The following DIS3L2 variants were observed in gnomAD, a reference collection of about 807,000 sequenced individuals.
The protein encoded by DIS3L2 is DIS3 like 3'-5' exoribonuclease 2.
Under a neutral mutation model 97.5 loss-of-function variants are expected in DIS3L2, and 34 were observed. The ratio of observed to expected loss-of-function variants is 0.35; its 90% confidence interval spans 0.27 to 0.46. The LOEUF is 0.46. DIS3L2 is among the 20% of genes least tolerant of loss of function. The probability of loss-of-function intolerance (pLI) is 1.00; values close to 1 mark genes in which losing one functional copy is unlikely to be tolerated. For missense variants in DIS3L2, 1,038 were observed against 1,146.0 expected, an observed-to-expected ratio of 0.91 and a Z score of 1.36; for synonymous variants, 435 against 445.2, an observed-to-expected ratio of 0.98 and a Z score of 0.29.
At chr2:232,273,990 T>C (rs1694074870) in intron 13 of DIS3L2, among the ~76,000 whole-genome samples, 1 of 152,176 alleles carries the variant, frequency 6.6e-6, no homozygotes, top group Non-Finnish European at 1.5e-5. Context: ...ATAATTCCCA[T>C]AAGACAGAGG....
chr2:232,284,041 A>G (rs1246292988), intron 13 of DIS3L2, among the ~76,000 whole-genome samples: 1 of 152,148 alleles, frequency 6.6e-6, no homozygotes, highest in Non-Finnish European at 1.5e-5. Flanking sequence ...AGCTATAATT[A>G]TCTCAGAATA....
At chr2:232,095,114 C>T (rs557880799) in intron 6 of DIS3L2, among the ~76,000 whole-genome samples, 5 of 152,252 alleles carry the variant, frequency 3.3e-5, no homozygotes, top group Non-Finnish European at 5.9e-5. Context: ...TTCAGCCACT[C>T]TGTGTCTTTG....
At chr2:232,100,344 TC>T (rs1697160896) in intron 6 of DIS3L2, among the ~76,000 whole-genome samples, 1 of 151,978 alleles carries the variant, frequency 6.6e-6, no homozygotes, top group African/African-American at 2.4e-5. Flanking sequence ...GCCTTTTTTT[TC>T]CTCTATTGTT....
At chr2:232,017,628 C>G (rs538513309) in intron 3 of DIS3L2, among the ~76,000 whole-genome samples, 8 of 152,282 alleles carry the variant, frequency 5.3e-5, no homozygotes, top group African/African-American at 1.9e-4. Context: ...CCTGCACTCT[C>G]CTCCAGGAAC....
chr2:231,994,061 G>A (rs1046754722), intron 1 of DIS3L2, among the ~76,000 whole-genome samples: 1 of 149,810 alleles, frequency 6.7e-6, no homozygotes, highest in Non-Finnish European at 1.5e-5. Flanking sequence ...CTGAGGCAAA[G>A]GTCAAGATTT....
chr2:232,018,205 T>C (rs1181315310), intron 3 of DIS3L2, among the ~76,000 whole-genome samples: 1 of 152,224 alleles, frequency 6.6e-6, no homozygotes, highest in African/African-American at 2.4e-5. Context: ...GCAGTGATAT[T>C]AGCTTCAGCT....
At chr2:232,233,826 A>C (rs920909609) in intron 10 of DIS3L2, among the ~76,000 whole-genome samples, 2 of 152,242 alleles carry the variant, frequency 1.3e-5, no homozygotes, top group African/African-American at 4.8e-5. Context: ...TTAGATTTTA[A>C]AGAGCTTGTT....
At chr2:232,105,510 T>G (rs530460605) in intron 6 of DIS3L2, among the ~76,000 whole-genome samples, 20 of 152,186 alleles carry the variant, frequency 1.3e-4, no homozygotes, top group Non-Finnish European at 2.9e-4. Flanking sequence ...TTCTTTCTCT[T>G]CCCATTTTTT....
chr2:232,089,572 C>T (rs1434352111), intron 6 of DIS3L2, among the ~76,000 whole-genome samples: 1 of 152,178 alleles, frequency 6.6e-6, no homozygotes, highest in Non-Finnish European at 1.5e-5. Flanking sequence ...CCAAATCCTT[C>T]ATTAACAAGA....
intron 5 of DIS3L2, among the ~76,000 whole-genome samples, chr2:232,057,803 C>T (rs900935974): frequency 8.6e-5 from 13 of 151,994 alleles, no homozygotes; most frequent in South Asian, 2.1e-4. Context: ...GTTTTTGTGT[C>T]GCATAGAAAA....
chr2:232,169,785 T>C (rs3103296), intron 9 of DIS3L2, among the ~76,000 whole-genome samples: 83,345 of 152,054 alleles, frequency 0.55, 24,479 homozygotes, highest in East Asian at 0.69. Flanking sequence ...TGAACAATTA[T>C]ATTTGGAACA....
intron 8 of DIS3L2, among the ~76,000 whole-genome samples, chr2:232,161,110 G>T: frequency 6.6e-6 from 1 of 152,100 alleles, no homozygotes; most frequent in Admixed American, 6.5e-5. Context: ...TGGAGACGGG[G>T]TTTCACCATG....
intron 13 of DIS3L2, among the ~76,000 whole-genome samples, chr2:232,274,555 G>T (rs1694091541): frequency 6.6e-6 from 1 of 152,206 alleles, no homozygotes; most frequent in Non-Finnish European, 1.5e-5. Context: ...GGGCTCTGCT[G>T]CGAAGGCCAG....
intron 8 of DIS3L2, among the ~76,000 whole-genome samples, chr2:232,159,630 T>C (rs1690593680): frequency 6.6e-6 from 1 of 152,220 alleles, no homozygotes; most frequent in South Asian, 2.1e-4. Context: ...TCTTACTTTA[T>C]GGCATTCACT....
At chr2:232,192,865 C>T (rs1361658155) in intron 9 of DIS3L2, among the ~76,000 whole-genome samples, 1 of 152,202 alleles carries the variant, frequency 6.6e-6, no homozygotes, top group Non-Finnish European at 1.5e-5. Flanking sequence ...GCTGTGGTGT[C>T]TCCCAGAATC....
At chr2:232,310,749 T>C (rs1315859289) in intron 14 of DIS3L2, among the ~76,000 whole-genome samples, 1 of 152,238 alleles carries the variant, frequency 6.6e-6, no homozygotes, top group Non-Finnish European at 1.5e-5. Flanking sequence ...AGCTATCTGA[T>C]GCAAGCAGGT....
chr2:232,148,748 CTTTTTTTT>C (rs34837114), intron 8 of DIS3L2, among the ~76,000 whole-genome samples: 91 of 98,884 alleles, frequency 9.2e-4, no homozygotes, highest in African/African-American at 3.3e-3. Flanking sequence ...AATTTTCTTT[CTTTTTTTT>C]TTTTTTTTTT....
intron 9 of DIS3L2, among the ~76,000 whole-genome samples, chr2:232,209,208 G>C (rs1406955068): frequency 6.6e-6 from 1 of 152,098 alleles, no homozygotes; most frequent in Non-Finnish European, 1.5e-5. Context: ...GGACAGTTAA[G>C]AGTCGGATAG....
At chr2:232,188,551 C>A (rs1001161280) in intron 9 of DIS3L2, among the ~76,000 whole-genome samples, 1 of 152,180 alleles carries the variant, frequency 6.6e-6, no homozygotes, top group African/African-American at 2.4e-5. Context: ...TCGATCTAAA[C>A]CTCATGCCTT....
Sources: gnomAD v4.1 joint callset for allele counts (sites outside exome capture counted in the v4.1 genomes callset) on GRCh38, gnomAD v4.1.1 for gene constraint, MANE v1.5 for transcripts, NCBI Gene and HGNC (gene_info 2026-07-23, HGNC 2026-07-21) for gene names.